The following MAP3K7CL variants were observed in gnomAD, a reference collection of about 807,000 sequenced individuals.
MAP3K7CL encodes the protein MAP3K7 C-terminal-like protein.
In MAP3K7CL, 16 loss-of-function variants were observed where a neutral mutation model predicts 18.6. The ratio of observed to expected loss-of-function variants is 0.86; its 90% CI spans 0.58 to 1.31. The LOEUF is 1.31. Among genes scored for constraint, MAP3K7CL ranks in the 50% most tolerant of loss-of-function variants. The probability of loss-of-function intolerance (pLI) is 0.00; values close to 1 mark genes in which losing one functional copy is unlikely to be tolerated. For missense variants in MAP3K7CL, 163 were observed against 174.4 expected, an observed-to-expected ratio of 0.93 and a Z score of 0.37; for synonymous variants, 65 against 66.8, an observed-to-expected ratio of 0.97 and a Z score of 0.13.
At chr21:29,147,313 T>C (rs1050010171) in intron 2 of MAP3K7CL, among the ~76,000 whole-genome samples, 1 of 152,038 alleles carries the variant, frequency 6.6e-6, no homozygotes, top group Non-Finnish European at 1.5e-5. Flanking sequence ...GTATCTGTAC[T>C]GTATACATAT....
At chr21:29,086,848 G>T (rs1180999810) in intron 1 of MAP3K7CL, among the ~76,000 whole-genome samples, 1 of 152,172 alleles carries the variant, frequency 6.6e-6, no homozygotes, top group African/African-American at 2.4e-5. Context: ...CAATGATTAT[G>T]ATGACGTCCC....
intron 4 of MAP3K7CL, among the ~76,000 whole-genome samples, chr21:29,095,664 C>T (rs2086110185): frequency 6.6e-6 from 1 of 152,136 alleles, no homozygotes; most frequent in African/African-American, 2.4e-5. Context: ...CTGCTGTGAC[C>T]AACTATTCCA....
At chr21:29,136,958 C>A (rs536504049) in intron 2 of MAP3K7CL, among the ~76,000 whole-genome samples, 1 of 152,350 alleles carries the variant, frequency 6.6e-6, no homozygotes, top group East Asian at 1.9e-4. Context: ...TCTAGACCTA[C>A]CTCCAACACT....
intron 2 of MAP3K7CL, among the ~76,000 whole-genome samples, chr21:29,135,911 T>A (rs1342378736): frequency 6.6e-6 from 1 of 152,180 alleles, no homozygotes; most frequent in Non-Finnish European, 1.5e-5. Context: ...TTATGGTCAG[T>A]GTGTCCTCAT....
At chr21:29,088,020 TTAATCTAC>T (rs1435061277) in intron 1 of MAP3K7CL, among the ~76,000 whole-genome samples, 2 of 152,192 alleles carry the variant, frequency 1.3e-5, no homozygotes, top group Admixed American at 6.5e-5. Flanking sequence ...CGATTGTATT[TTAATCTAC>T]TCACTAAGTG....
upstream of MAP3K7CL, chr21:29,085,827 G>A (rs772087437): frequency 1.2e-6 from 2 of 1,612,014 alleles, no homozygotes; most frequent in East Asian, 2.2e-5. Context: ...AAGACAACTT[G>A]AGTGGTTAAA....
chr21:29,090,066 C>T (rs2085996631), intron 1 of MAP3K7CL, among the ~76,000 whole-genome samples: 1 of 152,214 alleles, frequency 6.6e-6, no homozygotes, highest in Non-Finnish European at 1.5e-5. Flanking sequence ...TCAGTGATGA[C>T]AGCAGTAGAT....
intron 2 of MAP3K7CL, among the ~76,000 whole-genome samples, chr21:29,135,602 G>C (rs2086868560): frequency 6.6e-6 from 1 of 152,160 alleles, no homozygotes. Context: ...TGGTTTGCCT[G>C]AATAACCTCT....
chr21:29,147,312 C>A (rs1425566437), intron 2 of MAP3K7CL, among the ~76,000 whole-genome samples: 1 of 151,802 alleles, frequency 6.6e-6, no homozygotes, highest in Non-Finnish European at 1.5e-5. Context: ...TGTATCTGTA[C>A]TGTATACATA....
At chr21:29,173,325 T>G (rs929010998) in intron 4 of MAP3K7CL, among the ~76,000 whole-genome samples, 14 of 152,232 alleles carry the variant, frequency 9.2e-5, no homozygotes, top group African/African-American at 3.4e-4. Flanking sequence ...TATGTAGATC[T>G]TCTTTTAATT....
chr21:29,089,196 A>C (rs1044797599), intron 1 of MAP3K7CL, among the ~76,000 whole-genome samples: 1 of 140,544 alleles, frequency 7.1e-6, no homozygotes, highest in African/African-American at 2.7e-5. Flanking sequence ...AAAAAAAAAA[A>C]AAAAAGACAC....
chr21:29,111,464 C>G (rs2086419679), intron 4 of MAP3K7CL, among the ~76,000 whole-genome samples: 1 of 152,118 alleles, frequency 6.6e-6, no homozygotes, highest in South Asian at 2.1e-4. Flanking sequence ...TCCATTGTCC[C>G]CCTTCCCACT....
At chr21:29,099,261 AT>A (rs968362985) in intron 4 of MAP3K7CL, among the ~76,000 whole-genome samples, 17,311 of 83,444 alleles carry the variant, frequency 0.21, 751 homozygotes, top group East Asian at 0.35. Flanking sequence ...CAGCTAATTG[AT>A]TTTTTTTTTT....
At chr21:29,160,535 A>G (rs1319649456) in intron 4 of MAP3K7CL, among the ~76,000 whole-genome samples, 1 of 152,238 alleles carries the variant, frequency 6.6e-6, no homozygotes, top group Non-Finnish European at 1.5e-5. Context: ...GTTCTGCTAT[A>G]GGGAATTATA....
At chr21:29,085,553 A>C (rs1468263359), upstream of MAP3K7CL, among the ~76,000 whole-genome samples, 1 of 150,608 alleles carries the variant, frequency 6.6e-6, no homozygotes, top group Non-Finnish European at 1.5e-5. Flanking sequence ...TCTAAAAAAA[A>C]AAAAAAAAAA....
intron 4 of MAP3K7CL, chr21:29,092,715 C>A: frequency 3.2e-6 from 3 of 944,230 alleles, no homozygotes; most frequent in Non-Finnish European, 4.7e-6. Flanking sequence ...AATGGCTCTA[C>A]GACGTGCTGG....
At chr21:29,123,204 A>G (rs1161648866) in intron 4 of MAP3K7CL, among the ~76,000 whole-genome samples, 8 of 151,952 alleles carry the variant, frequency 5.3e-5, no homozygotes, top group African/African-American at 1.9e-4. Context: ...CTGGGATTAC[A>G]GGTGCCCACC....
At chr21:29,103,684 G>A (rs547915943) in intron 4 of MAP3K7CL, among the ~76,000 whole-genome samples, 2 of 152,068 alleles carry the variant, frequency 1.3e-5, no homozygotes, top group East Asian at 1.9e-4. Context: ...GCAGTGAGCC[G>A]GGATCGTGCC....
chr21:29,085,809 C>T (rs1396471734), upstream of MAP3K7CL: 2 of 1,580,786 alleles, frequency 1.3e-6, no homozygotes, highest in Non-Finnish European at 1.7e-6. Context: ...TCTATATCCC[C>T]CAGGTGAAAG....
Sources: allele counts gnomAD v4.1 joint callset (sites outside exome capture counted in the v4.1 genomes callset), GRCh38; gene constraint gnomAD v4.1.1; transcripts MANE v1.5; gene names NCBI Gene and HGNC (gene_info 2026-07-23, HGNC 2026-07-21).